Variants in SPOUT1 observed in about 807,000 individuals in gnomAD.
SPOUT1 encodes the protein SPOUT domain containing methyltransferase 1, also known as 28S rRNA (uridine-N(3))-methyltransferase.
Under a neutral mutation model 54.8 loss-of-function variants are expected in SPOUT1, and 40 were observed. The ratio of observed to expected loss-of-function variants is 0.73; its 90% confidence interval spans 0.57 to 0.95. The LOEUF (loss-of-function observed/expected upper bound fraction) is 0.95, where lower values mean the gene tolerates loss of function less well. SPOUT1 is among the 40% of genes least tolerant of loss of function. SPOUT1 has a pLI of 0.00. For missense variants in SPOUT1, 437 were observed against 499.5 expected (o/e 0.87, Z 1.19); for synonymous variants, 193 against 200.3 (o/e 0.96, Z 0.31).
rs1830096618 is a variant in SPOUT1 at position 128,820,794 on chromosome 9, T to C, written c.*1971A>G. 2 of 1,612,456 alleles carry C rather than the reference T, an allele frequency of 1.2e-6. No individual in the cohort carries two copies. Among genetic ancestry groups the C allele is most frequent in the Non-Finnish European group, 1.7e-6 (2 of 1,179,404 alleles). ...AACCTGGAGAAATATAGCCGCAGCT[T>C]GACCCGCAGCTACCAAAACGTCTAT... On this transcript the variant is annotated 3_prime_UTR_variant, in exon 12 of 12. Coordinates refer to ENST00000361256, the MANE Select transcript of SPOUT1 (RefSeq NM_016390.4).
rs915391567 is a variant in SPOUT1, at chr9:128,828,727, C to T, written c.208+8G>A. 2 of 1,613,046 alleles carry T rather than the reference C, an allele frequency of 1.2e-6. No homozygotes were observed. Among genetic ancestry groups the T allele is most frequent in the African/African-American group, 2.7e-5 (2 of 74,914 alleles). On this transcript the variant is annotated splice_region_variant and intron_variant, in intron 3 of 11. Transcript: ENST00000361256. ...CAACCTGTGGCCCTCCCCAAGACCC[C>T]AGCTCACCGCGGTCCTCCTTCTCTG...
At chr9:128,823,967 C>T (rs547491923) in intron 10 of SPOUT1, 73 bp from the exon 11 acceptor site, 202 of 1,589,474 alleles carry the variant, frequency 1.3e-4, no homozygotes, top group Middle Eastern at 3.5e-4. Context: ...GACCTCAGTC[C>T]CTCCCCACCC....
intron 3 of SPOUT1, among the ~76,000 whole-genome samples, chr9:128,828,509 A>AG (rs1207323784): frequency 4.3e-4 from 65 of 151,774 alleles, no homozygotes; most frequent in Non-Finnish European, 6.0e-4. Flanking sequence ...AAAAAAAAAA[A>AG]AGAGAGATAA....
rs116714293 is a variant in SPOUT1, at chr9:128,820,820, G to A, written c.*1945C>T. ...GACCCGCAGCTACCAAAACGTCTAT[G>A]TCTGCACAGGGCCACTCTTCCTGCC... On this transcript the variant is annotated 3_prime_UTR_variant, in exon 12 of 12. Transcript: ENST00000361256. 7.4e-6 allele frequency: 12 copies of A among 1,611,432 alleles called. No individual in the cohort carries two copies. In the East Asian group the frequency reaches 2.7e-4, roughly 36 times the overall value.
chr9:128,821,195 C>T lies in SPOUT1; in HGVS notation c.*1570G>A, dbSNP rs1416184616. 9.5e-6 allele frequency: 3 copies of T among 315,598 alleles called. No individual in the cohort carries two copies. The highest frequency in any genetic ancestry group is 7.8e-5 in the East Asian group (1 of 12,866). The allele number at this position is 315,598 out of a possible 1,614,324, so 19.5% of individuals were successfully genotyped here. On this transcript the variant is annotated 3_prime_UTR_variant, in exon 12 of 12. Coordinates refer to ENST00000361256, the MANE Select transcript of SPOUT1 (RefSeq NM_016390.4). ...CAGTGCACCAAGCTCTCCCACCTTC[C>T]CCCCGCAGGTCTGCAGTGCACCAAG...
rs1366235433 is a variant in SPOUT1, at chr9:128,826,035, C to T, written c.626G>A (p.Cys209Tyr). The change falls in exon 7 of 12, where the codon TGT becomes TAT. Residue 209 changes from cysteine (C) to tyrosine (Y), a missense_variant. By Grantham distance (194) the Cys-to-Tyr change is radical. Transcript: ENST00000361256. The surrounding 1 kb of genome is among the most constrained non-coding windows in gnomAD (Gnocchi z 5.5). ...TTCTGTTCCTACCTTTTTCATGCCA[C>T]AGTTGACAAAGGAGCCGTGGCCTGG... is the stretch of plus-strand genomic sequence containing the variant. ...TRPGHGSFVN[C>Y]GMKKEVKIDK... 1 of 1,614,134 alleles carries T rather than the reference C, an allele frequency of 6.2e-7. No homozygotes were observed. Among genetic ancestry groups the T allele is most frequent in the Admixed American group, 1.7e-5 (1 of 60,002 alleles).
At position 128,819,828 on chromosome 9, in the gene SPOUT1, C is replaced by G. The variant is rs937998924; in HGVS notation, c.*2937G>C. On this transcript the variant is annotated 3_prime_UTR_variant, in exon 12 of 12. Coordinates refer to ENST00000361256, the MANE Select transcript of SPOUT1 (RefSeq NM_016390.4). ...TCAGGCATTAGGTTTTCAAAAGAAGCGCGCAACCTCCTCACATGCGCAGTT... is the reference window on the plus strand; with the variant it reads ...TCAGGCATTAGGTTTTCAAAAGAAGGGCGCAACCTCCTCACATGCGCAGTT... The G allele has an allele frequency of 6.6e-6, 1 of 152,506 alleles. No homozygotes were observed. Among genetic ancestry groups the G allele is most frequent in the African/African-American group, 2.4e-5 (1 of 41,402 alleles). 9.4% of individuals were successfully genotyped at this position (152,506 alleles called of 1,614,324 possible).
At position 128,821,922 on chromosome 9, in the gene SPOUT1, G is replaced by A; in HGVS notation, c.*843C>T. The A allele has an allele frequency of 4.7e-6, 1 of 214,880 alleles. No homozygotes were observed. Among genetic ancestry groups the A allele is most frequent in the South Asian group, 7.3e-5 (1 of 13,774 alleles). The allele number at this position is 214,880 out of a possible 1,614,324, so 13.3% of individuals were successfully genotyped here. ...GGAAGGGAGGAGACTCTGCTGAGGGGGAGCCCCCGTCCGGTGTCCTGGCAC... is the reference window on the plus strand; with the variant it reads ...GGAAGGGAGGAGACTCTGCTGAGGGAGAGCCCCCGTCCGGTGTCCTGGCAC... On this transcript the variant is annotated 3_prime_UTR_variant, in exon 12 of 12. Coordinates refer to ENST00000361256, the MANE Select transcript of SPOUT1 (RefSeq NM_016390.4).
chr9:128,823,665 T>G (rs1830173849), intron 11 of SPOUT1, 82 bp downstream of exon 11: 1 of 1,306,722 alleles, frequency 7.7e-7, no homozygotes, highest in East Asian at 2.5e-5. Context: ...CAAGGGTGGG[T>G]GACAGGGCAA....
At chr9:128,827,819 G>C (rs1428317017) in intron 3 of SPOUT1, among the ~76,000 whole-genome samples, 2 of 152,216 alleles carry the variant, frequency 1.3e-5, no homozygotes, top group Non-Finnish European at 2.9e-5. Flanking sequence ...CTACTCCGGA[G>C]GCTGGGGCAG....
Position 128,826,931 on chromosome 9 carries a change from G to A in SPOUT1, c.368+101C>T. The A allele has an allele frequency of 8.0e-7, 1 of 1,248,504 alleles. No individual in the cohort carries two copies. The highest frequency in any genetic ancestry group is 1.1e-6 in the Non-Finnish European group (1 of 878,528). 77.3% of individuals were successfully genotyped at this position (1,248,504 alleles called of 1,614,324 possible). A position where few individuals can be genotyped will look rare whatever the true frequency, so the allele number is the denominator to read the frequency against. On this transcript the variant is annotated intron_variant, in intron 4 of 11. Transcript: ENST00000361256. The surrounding 1 kb of genome is among the most constrained non-coding windows in gnomAD (Gnocchi z 5.5). ...GGAATATTTCAGGCAGGGCACGAGG[G>A]AAGAGCCAGGCATGTGGACGGGGCC...
intron 1 of SPOUT1, 95 bp from the exon 2 acceptor site, chr9:128,829,250 G>C: frequency 9.2e-7 from 1 of 1,083,486 alleles, no homozygotes; most frequent in Non-Finnish European, 1.4e-6. Context: ...CCCTCCACAC[G>C]GGGCGGCAAG....
At chr9:128,824,908 A>C in intron 8 of SPOUT1, 39 bp from the exon 9 acceptor site, 1 of 1,600,222 alleles carries the variant, frequency 6.2e-7, no homozygotes, top group Non-Finnish European at 8.6e-7. Context: ...GGGGTGAGGG[A>C]ATGGAAGCAG....
At chr9:128,829,658 G>A (rs980461820) in intron 1 of SPOUT1, 87 bp downstream of exon 1, 4 of 1,055,656 alleles carry the variant, frequency 3.8e-6, no homozygotes, top group Admixed American at 2.3e-5. Flanking sequence ...CAGGAGGCGC[G>A]GCCCGGCCCC....
In SPOUT1 at chr9:128,822,878, G is replaced by A. The variant is rs747589955; in HGVS notation, c.1063-45C>T. On this transcript the variant is annotated intron_variant, in intron 11 of 11. Coordinates refer to ENST00000361256, the MANE Select transcript of SPOUT1 (RefSeq NM_016390.4). ...GTGGGCTGGGGCCTGGGGGGCTAGC[G>A]GGTGCCCCCGCTCCCAGCCTGTCTT... is the stretch of plus-strand genomic sequence containing the variant. 1.5e-5 allele frequency: 21 copies of A among 1,423,016 alleles called. No homozygotes were observed. In the Middle Eastern group the frequency reaches 1.4e-3, roughly 97 times the overall value. The allele number at this position is 1,423,016 out of a possible 1,614,324, so 88.1% of individuals were successfully genotyped here.
rs73669977 is a variant in SPOUT1 at position 128,823,596 on chromosome 9, C to T, written c.1062+151G>A. ...ACTCCCAGCTACACTCATGTCTCGT[C>T]GCTGTGGCAAGAGGCCAAGGGGGAT... is the stretch of plus-strand genomic sequence containing the variant. On this transcript the variant is annotated intron_variant, in intron 11 of 11. Transcript: ENST00000361256. 4,883 of 658,012 alleles carry T rather than the reference C, an allele frequency of 7.4e-3. 195 individuals are homozygous for T. The African/African-American group carries it at 0.078, about 10-fold the overall frequency. 40.8% of individuals were successfully genotyped at this position (658,012 alleles called of 1,614,324 possible).
In SPOUT1 at chr9:128,826,298, C is replaced by G; in HGVS notation, c.508+86G>C. On this transcript the variant is annotated intron_variant, in intron 6 of 11. Coordinates refer to ENST00000361256, the MANE Select transcript of SPOUT1 (RefSeq NM_016390.4). The surrounding 1 kb of genome is among the most constrained non-coding windows in gnomAD (Gnocchi z 5.5). ...TGCTCTCCCAGGCCTGCTTTCCCACCTGGACAGCGCAGGGTAGGACTGGGT... is the reference window on the plus strand; with the variant it reads ...TGCTCTCCCAGGCCTGCTTTCCCACGTGGACAGCGCAGGGTAGGACTGGGT... 1 of 1,570,354 alleles carries G rather than the reference C, an allele frequency of 6.4e-7. No individual in the cohort carries two copies. The highest frequency in any genetic ancestry group is 8.8e-7 in the Non-Finnish European group (1 of 1,140,874).
Position 128,827,161 on chromosome 9 carries a change from G to T in SPOUT1, c.239C>A (p.Pro80Gln), listed in dbSNP as rs1447139682. The T allele has an allele frequency of 6.2e-7, 1 of 1,613,684 alleles. No homozygotes were observed. The change falls in exon 4 of 12, where the codon CCG (proline) becomes CAG (glutamine). Residue 80 changes from proline (P) to glutamine (Q), a missense_variant. Physicochemically the swap from Pro to Gln is moderately conservative, Grantham distance 76. Transcript: ENST00000361256. The stretch of plus-strand genomic sequence containing the variant: ...CTGAGCATTGTCCAGGATGGAGCCC[G>T]GCAGGGCTACGCTCAGTGTGTAGGG... ...GRPYTLSVAL[P>Q]GSILDNAQSP...
intron 9 of SPOUT1, 63 bp from the exon 10 acceptor site, chr9:128,824,237 G>A (rs2118796689): frequency 1.2e-6 from 1 of 805,520 alleles, no homozygotes; most frequent in East Asian, 2.6e-5. Flanking sequence ...CGGGTATTAT[G>A]TGTGTGTGTA....
Sources: allele counts gnomAD v4.1 joint callset (sites outside exome capture counted in the v4.1 genomes callset), GRCh38; gene constraint gnomAD v4.1.1; non-coding constraint Gnocchi (gnomAD v3.1); transcripts MANE v1.5; gene names NCBI Gene and HGNC (gene_info 2026-07-23, HGNC 2026-07-21).